WWOX: variants seen among roughly 807,000 people sequenced by gnomAD.
The protein encoded by WWOX is WW domain-containing oxidoreductase.
A neutral mutation model predicts 46.2 loss-of-function variants in WWOX; 69 were observed. That is an observed-to-expected ratio of 1.49 (90% CI 1.23 to 1.82). The LOEUF (loss-of-function observed/expected upper bound fraction) is 1.82. WWOX is among the 40% of genes most tolerant of loss of function. WWOX has a pLI of 0.00. For synonymous variants in WWOX, 359 were observed against 202.6 expected (o/e 1.77, Z -6.56); for missense variants, 919 against 542.6 (o/e 1.69, Z -6.89).
chr16:79,166,819 G>T (rs772372448), intron 8 of WWOX, among the ~76,000 whole-genome samples: 1 of 152,102 alleles, frequency 6.6e-6, no homozygotes, highest in Non-Finnish European at 1.5e-5. Context: ...CCTGAATAAA[G>T]ACCAGTTGAA....
chr16:78,705,754 C>T (rs994875172), intron 8 of WWOX, among the ~76,000 whole-genome samples: 2 of 152,084 alleles, frequency 1.3e-5, no homozygotes. Context: ...TATGTACCAT[C>T]AGAGCACATA....
intron 8 of WWOX, among the ~76,000 whole-genome samples, chr16:78,980,594 A>G (rs1039786379): frequency 6.6e-6 from 1 of 152,148 alleles, no homozygotes; most frequent in African/African-American, 2.4e-5. Context: ...TCAGGATCCT[A>G]TGTAGGTATC....
intron 8 of WWOX, among the ~76,000 whole-genome samples, chr16:78,874,518 G>C (rs1418681148): frequency 6.6e-6 from 1 of 151,998 alleles, no homozygotes; most frequent in Non-Finnish European, 1.5e-5. Flanking sequence ...AGGGCTCACT[G>C]CAGCGCCTGG....
intron 8 of WWOX, among the ~76,000 whole-genome samples, chr16:79,208,791 C>T (rs1253744209): frequency 6.6e-6 from 1 of 152,304 alleles, no homozygotes; most frequent in African/African-American, 2.4e-5. Flanking sequence ...ACTGTCATCA[C>T]ATCTGATCAT....
intron 4 of WWOX, among the ~76,000 whole-genome samples, chr16:78,116,070 C>T (rs2032769137): frequency 6.6e-6 from 1 of 152,024 alleles, no homozygotes; most frequent in Non-Finnish European, 1.5e-5. Context: ...TGTTTTGATA[C>T]AGGGATGCAA....
chr16:79,001,707 G>A (rs1481484851), intron 8 of WWOX, among the ~76,000 whole-genome samples: 2 of 151,736 alleles, frequency 1.3e-5, no homozygotes, highest in Non-Finnish European at 2.9e-5. Context: ...CCTCAGGCAT[G>A]AAGGGAGGGG....
At chr16:78,104,515 A>G (rs1338649114) in intron 1 of WWOX, among the ~76,000 whole-genome samples, 1 of 152,120 alleles carries the variant, frequency 6.6e-6, no homozygotes, top group Non-Finnish European at 1.5e-5. Context: ...AAAAAAATTA[A>G]CAGAAAACAC....
At chr16:78,369,009 A>G (rs947214959) in intron 5 of WWOX, among the ~76,000 whole-genome samples, 1 of 149,630 alleles carries the variant, frequency 6.7e-6, no homozygotes, top group African/African-American at 2.5e-5. Flanking sequence ...CTTCTTATCT[A>G]ATCCCCTTCC....
At chr16:78,810,909 A>G (rs751004633) in intron 8 of WWOX, among the ~76,000 whole-genome samples, 1 of 152,216 alleles carries the variant, frequency 6.6e-6, no homozygotes, top group South Asian at 2.1e-4. Context: ...TGTGTGGACT[A>G]TGCATTCAGA....
chr16:78,599,020 C>G (rs2045559462), intron 8 of WWOX, among the ~76,000 whole-genome samples: 1 of 152,102 alleles, frequency 6.6e-6, no homozygotes, highest in Non-Finnish European at 1.5e-5. Context: ...CTGGTTGGAC[C>G]CCTAAGTTTG....
rs190872301 is a variant in WWOX, at chr16:78,725,087, G to A, written c.1056+292335G>A. On this transcript the variant is annotated intron_variant, in intron 8 of 8. Transcript: ENST00000566780. ...GGGTGGGAGAATATTGAATCATGGGGGTGGTTCCCCCATACTGTTCTTGGG... is the reference window on the plus strand; with the variant it reads ...GGGTGGGAGAATATTGAATCATGGGAGTGGTTCCCCCATACTGTTCTTGGG... Among the ~76,000 whole-genome samples, 578 of 152,136 alleles carry A rather than the reference G, an allele frequency of 3.8e-3. 2 individuals carry two copies. The highest frequency in any genetic ancestry group is 0.013 in the African/African-American group (557 of 41,504).
intron 5 of WWOX, among the ~76,000 whole-genome samples, chr16:78,181,110 CAG>C (rs2035519525): frequency 6.6e-6 from 1 of 152,038 alleles, no homozygotes; most frequent in Admixed American, 6.6e-5. Context: ...GAGAAAGACA[CAG>C]AGGAGAGACA....
intron 8 of WWOX, among the ~76,000 whole-genome samples, chr16:78,692,097 C>G (rs1318275437): frequency 6.6e-6 from 1 of 152,182 alleles, no homozygotes; most frequent in Non-Finnish European, 1.5e-5. Context: ...AGTTAAACCT[C>G]TTTTTCTTCC....
intron 5 of WWOX, among the ~76,000 whole-genome samples, chr16:78,235,303 AG>A (rs1457877079): frequency 2.6e-5 from 4 of 151,892 alleles, no homozygotes; most frequent in Non-Finnish European, 4.4e-5. Context: ...TCTTTTGGAG[AG>A]GATGTGTCAC....
intron 8 of WWOX, among the ~76,000 whole-genome samples, chr16:79,031,153 C>G (rs1178581433): frequency 4.6e-5 from 7 of 151,600 alleles, no homozygotes; most frequent in Admixed American, 3.9e-4. Context: ...TTTAAAATGT[C>G]AAGGCCAACT....
chr16:78,330,956 C>G (rs1306008202), intron 5 of WWOX, among the ~76,000 whole-genome samples: 1 of 152,174 alleles, frequency 6.6e-6, no homozygotes, highest in Admixed American at 6.5e-5. Context: ...TACAAATAAT[C>G]TAGTCTTTTC....
chr16:78,906,681 G>C (rs1338683008), intron 8 of WWOX, among the ~76,000 whole-genome samples: 3 of 152,202 alleles, frequency 2.0e-5, no homozygotes, highest in African/African-American at 7.2e-5. Context: ...ATTTTGTTGT[G>C]GTGTGGGAAG....
At chr16:78,562,120 C>G (rs1242913019) in intron 8 of WWOX, among the ~76,000 whole-genome samples, 2 of 152,180 alleles carry the variant, frequency 1.3e-5, no homozygotes, top group African/African-American at 2.4e-5. Flanking sequence ...GTTATCCAAA[C>G]AAATTGGATG....
chr16:78,157,958 A>G (rs1184059457), intron 4 of WWOX, among the ~76,000 whole-genome samples: 1 of 152,222 alleles, frequency 6.6e-6, no homozygotes, highest in Non-Finnish European at 1.5e-5. Flanking sequence ...TAGGCTCTCA[A>G]TATATGTTTA....
Sources: allele counts gnomAD v4.1 joint callset (sites outside exome capture counted in the v4.1 genomes callset), GRCh38; gene constraint gnomAD v4.1.1; transcripts MANE v1.5; gene names NCBI Gene and HGNC (gene_info 2026-07-23, HGNC 2026-07-21).